Variants in CLEC4C observed in about 807,000 individuals in gnomAD.
CLEC4C encodes C-type (calcium dependent, carbohydrate-recognition domain) lectin, superfamily member 11.
CLEC4C carries 17 observed loss-of-function variants against 27.7 expected under a neutral mutation model. That is an observed-to-expected ratio of 0.61 (90% CI 0.42 to 0.92). The LOEUF (loss-of-function observed/expected upper bound fraction) is 0.92, where lower values mean the gene tolerates loss of function less well. Ranked by LOEUF, CLEC4C falls within the 40% of genes least tolerant of loss-of-function variation. The pLI, the probability that CLEC4C is intolerant of heterozygous loss-of-function variation, is 0.00. For missense variants in CLEC4C, 244 were observed against 257.3 expected (o/e 0.95, Z 0.35); for synonymous variants, 80 against 80.8 (o/e 0.99, Z 0.06).
chr12:7,748,530 A>C (rs1865037791), upstream of CLEC4C, among the ~76,000 whole-genome samples: 1 of 152,086 alleles, frequency 6.6e-6, no homozygotes. Context: ...AGTCTCAAAA[A>C]AAAAAAAGTT....
chr12:7,732,967 T>C (rs1016816474), intron 4 of CLEC4C, among the ~76,000 whole-genome samples: 2 of 151,846 alleles, frequency 1.3e-5, no homozygotes, highest in African/African-American at 4.8e-5. Context: ...AAAAATAAAA[T>C]AAAGATATTT....
upstream of CLEC4C, among the ~76,000 whole-genome samples, chr12:7,748,385 G>C (rs1232356452): frequency 6.6e-6 from 1 of 152,126 alleles, no homozygotes; most frequent in East Asian, 1.9e-4. Flanking sequence ...AATTAGCCAG[G>C]TGTGGTGGTG....
At chr12:7,746,888 G>A (rs745471372) in intron 1 of CLEC4C, among the ~76,000 whole-genome samples, 12 of 152,004 alleles carry the variant, frequency 7.9e-5, no homozygotes, top group African/African-American at 2.2e-4. Flanking sequence ...GCAATGGCAC[G>A]ATCTCGGCTC....
chr12:7,737,466 C>G lies in CLEC4C; in HGVS notation c.344G>C (p.Gly115Ala), dbSNP rs1345526598. Residue 115 changes from glycine (G) to alanine (A), a missense_variant, in exon 4 of 6, where the codon GGG becomes GCG. By Grantham distance (60) the Gly-to-Ala change is moderately conservative. Transcript: ENST00000360345. Reference protein sequence around the residue: ...TKSQKNCSVMGADLVVINTRE... With the variant: ...TKSQKNCSVMAADLVVINTRE... The stretch of plus-strand genomic sequence containing the variant: ...GGTGTTGATCACCACCAGATCAGCC[C>G]CCATCACAGAACAGTTCTTTTGACT... 1.2e-6 allele frequency: 2 copies of G among 1,613,770 alleles called. No individual in the cohort carries two copies. The highest frequency in any genetic ancestry group is 2.2e-5 in the East Asian group (1 of 44,866).
chr12:7,742,625 A>G (rs1864881728), intron 2 of CLEC4C, among the ~76,000 whole-genome samples: 1 of 151,830 alleles, frequency 6.6e-6, no homozygotes, highest in African/African-American at 2.4e-5. Context: ...CCTGACCGAC[A>G]TGGTGAAACC....
intron 4 of CLEC4C, among the ~76,000 whole-genome samples, chr12:7,736,680 G>C (rs192450968): frequency 2.0e-5 from 3 of 151,726 alleles, no homozygotes; most frequent in Admixed American, 6.6e-5. Flanking sequence ...AGGCCGAGAC[G>C]GGCAGATCAC....
At chr12:7,737,340 TG>T in intron 4 of CLEC4C, 88 bp downstream of exon 4, 1 of 903,200 alleles carries the variant, frequency 1.1e-6, no homozygotes. Context: ...TTTTTTTTCC[TG>T]TCTTTGAACT....
At chr12:7,734,562 T>TC (rs1209849142) in intron 4 of CLEC4C, among the ~76,000 whole-genome samples, 4 of 151,702 alleles carry the variant, frequency 2.6e-5, no homozygotes, top group African/African-American at 9.7e-5. Flanking sequence ...ATTTTTTTTT[T>TC]TTTTTTGAGA....
At position 7,745,394 on chromosome 12, in the gene CLEC4C, A is replaced by G. The variant is rs925282861; in HGVS notation, c.124+937T>C. ...AGCCTCCAGAACCATCAGAAAATAA[A>G]TATCTGTTTTTTAACTCACTCAGTC... On this transcript the variant is annotated intron_variant, in intron 2 of 5. Transcript: ENST00000360345. 1.0e-4 allele frequency among the ~76,000 whole-genome samples: 15 copies of G among 143,250 alleles called. 1 individual carries two copies. The highest frequency in any genetic ancestry group is 3.9e-4 in the African/African-American group (15 of 38,322). The allele number at this position is 143,250 out of a possible 152,430, so 94.0% of individuals were successfully genotyped here.
At chr12:7,730,099 A>AT (rs1048787302) in intron 5 of CLEC4C, among the ~76,000 whole-genome samples, 2 of 151,784 alleles carry the variant, frequency 1.3e-5, no homozygotes, top group Non-Finnish European at 1.5e-5. Flanking sequence ...TGATTCAAAT[A>AT]TTTTTTTTCC....
chr12:7,747,308 G>A lies in CLEC4C; in HGVS notation c.31+10C>T. On this transcript the variant is annotated intron_variant, in intron 1 of 5. Transcript: ENST00000360345. ...CTACCTTCCCTAGAACTGAGAAGATGAGTGCTTACCTCGGTCTTGAGGCTC... is the reference window on the plus strand; with the variant it reads ...CTACCTTCCCTAGAACTGAGAAGATAAGTGCTTACCTCGGTCTTGAGGCTC... 1.2e-6 allele frequency: 2 copies of A among 1,613,886 alleles called. No homozygotes were observed. Among genetic ancestry groups the A allele is most frequent in the Non-Finnish European group, 8.5e-7 (1 of 1,179,796 alleles).
intron 5 of CLEC4C, among the ~76,000 whole-genome samples, chr12:7,729,958 C>G (rs1432966466): frequency 3.9e-5 from 6 of 152,168 alleles, no homozygotes; most frequent in Non-Finnish European, 7.3e-5. Context: ...TCCCATATGA[C>G]CTAGTACTCT....
At chr12:7,746,171 G>A (rs1437530984) in intron 2 of CLEC4C, among the ~76,000 whole-genome samples, 160 bp downstream of exon 2, 2 of 143,800 alleles carry the variant, frequency 1.4e-5, no homozygotes, top group African/African-American at 2.6e-5. Context: ...CCGAGATCAC[G>A]CCACTGCACT....
upstream of CLEC4C, among the ~76,000 whole-genome samples, chr12:7,748,714 CCT>C (rs1236468943): frequency 1.3e-5 from 2 of 152,082 alleles, no homozygotes; most frequent in Non-Finnish European, 2.9e-5. Context: ...CTGTTGCTTT[CCT>C]CTGTCTTGGA....
At chr12:7,743,148 T>A (rs7310649) in intron 2 of CLEC4C, among the ~76,000 whole-genome samples, 33,275 of 152,114 alleles carry the variant, frequency 0.22, 4,340 homozygotes, top group Admixed American at 0.31. Context: ...TTTGTTGACT[T>A]ACTAGGTAAC....
At chr12:7,742,908 C>T (rs1366766799) in intron 2 of CLEC4C, among the ~76,000 whole-genome samples, 1 of 152,172 alleles carries the variant, frequency 6.6e-6, no homozygotes, top group African/African-American at 2.4e-5. Context: ...CATCCCATTT[C>T]AAGCCGTACT....
intron 4 of CLEC4C, among the ~76,000 whole-genome samples, chr12:7,732,296 C>T (rs1051960003): frequency 6.6e-6 from 1 of 151,898 alleles, no homozygotes; most frequent in Non-Finnish European, 1.5e-5. Context: ...TCCCAAAGTG[C>T]TGGGATTACA....
chr12:7,740,942 A>G (rs1032540048), intron 3 of CLEC4C, among the ~76,000 whole-genome samples: 15 of 151,016 alleles, frequency 9.9e-5, no homozygotes, highest in Non-Finnish European at 4.4e-5. Flanking sequence ...CTGGGTTTAC[A>G]CCATTCTCCT....
At chr12:7,741,075 G>A (rs1032571377) in intron 3 of CLEC4C, among the ~76,000 whole-genome samples, 14 of 152,052 alleles carry the variant, frequency 9.2e-5, no homozygotes, top group African/African-American at 2.9e-4. Flanking sequence ...TGATCCGCCC[G>A]CCTCGGCCTC....
Sources: gnomAD v4.1 joint callset for allele counts (sites outside exome capture counted in the v4.1 genomes callset) on GRCh38, gnomAD v4.1.1 for gene constraint, MANE v1.5 for transcripts, NCBI Gene and HGNC (gene_info 2026-07-23, HGNC 2026-07-21) for gene names.